The following ALK variants were observed in gnomAD, a reference collection of about 807,000 sequenced individuals.
ALK encodes the protein ALK tyrosine kinase receptor.
In ALK, 74 loss-of-function variants were observed where a neutral mutation model predicts 163.1. The observed-to-expected ratio is 0.45, with a 90% CI of 0.38 to 0.55. The LOEUF (loss-of-function observed/expected upper bound fraction) is 0.55. Ranked by LOEUF, ALK falls within the 20% of genes least tolerant of loss-of-function variation. The probability of loss-of-function intolerance (pLI) is 0.00; values close to 1 mark genes in which losing one functional copy is unlikely to be tolerated. For missense variants in ALK, 2,063 were observed against 2,105.3 expected, an observed-to-expected ratio of 0.98 and a Z score of 0.39; for synonymous variants, 960 against 843.2, an observed-to-expected ratio of 1.14 and a Z score of -2.40.
intron 5 of ALK, among the ~76,000 whole-genome samples, chr2:29,341,887 T>C (rs1667803913): frequency 6.6e-6 from 1 of 152,202 alleles, no homozygotes; most frequent in Non-Finnish European, 1.5e-5. Flanking sequence ...TATTTTTTAG[T>C]TTTTAGTTCT....
chr2:29,827,633 C>T (rs1362959248), intron 1 of ALK, among the ~76,000 whole-genome samples: 1 of 152,118 alleles, frequency 6.6e-6, no homozygotes, highest in Non-Finnish European at 1.5e-5. Context: ...GATTCCACAG[C>T]CCAAGACTAC....
intron 5 of ALK, among the ~76,000 whole-genome samples, chr2:29,365,521 G>T (rs1668483067): frequency 6.6e-6 from 1 of 152,178 alleles, no homozygotes; most frequent in Non-Finnish European, 1.5e-5. Context: ...AGATGATGGG[G>T]ACCTTGTGCA....
chr2:29,459,759 G>A (rs933636123), intron 4 of ALK, among the ~76,000 whole-genome samples: 2 of 152,080 alleles, frequency 1.3e-5, no homozygotes, highest in Admixed American at 1.3e-4. Flanking sequence ...GATAAAAACA[G>A]CTGAGGTCCC....
chr2:29,741,553 C>T (rs1277037740), intron 1 of ALK, among the ~76,000 whole-genome samples: 2 of 152,138 alleles, frequency 1.3e-5, no homozygotes, highest in African/African-American at 4.8e-5. Context: ...TTCACAAAAA[C>T]AATCTGGAAT....
At chr2:29,890,370 T>C (rs1667112482) in intron 1 of ALK, 2 of 152,228 alleles carry the variant, frequency 1.3e-5, no homozygotes, top group East Asian at 1.9e-4. Context: ...TGGATTTCTA[T>C]GCCCTGAGTT....
At chr2:29,864,448 A>G (rs1436036694) in intron 1 of ALK, among the ~76,000 whole-genome samples, 1 of 152,160 alleles carries the variant, frequency 6.6e-6, no homozygotes, top group Non-Finnish European at 1.5e-5. Context: ...CACTCACCAC[A>G]ACATACAATT....
intron 1 of ALK, among the ~76,000 whole-genome samples, chr2:29,804,441 A>C (rs964793144): frequency 2.6e-5 from 4 of 152,236 alleles, no homozygotes; most frequent in African/African-American, 9.6e-5. Context: ...ACGGACTTTC[A>C]AACCCTCACC....
chr2:29,559,768 C>CGTGTGGGTGT (rs1673970279), intron 3 of ALK, among the ~76,000 whole-genome samples: 1 of 143,030 alleles, frequency 7.0e-6, no homozygotes, highest in Non-Finnish European at 1.5e-5. Context: ...GGAGCATGTA[C>CGTGTGGGTGT]GTGTGTGTGT....
At chr2:29,374,926 A>G (rs978038125) in intron 5 of ALK, among the ~76,000 whole-genome samples, 3 of 152,180 alleles carry the variant, frequency 2.0e-5, no homozygotes, top group African/African-American at 7.2e-5. Flanking sequence ...CTCCTTGGTG[A>G]TCACTTCCAA....
chr2:29,825,090 T>G (rs556322589), intron 1 of ALK, among the ~76,000 whole-genome samples: 1 of 152,322 alleles, frequency 6.6e-6, no homozygotes, highest in Non-Finnish European at 1.5e-5. Context: ...GCACAAGTTC[T>G]CTTTCTTTGC....
chr2:29,909,568 T>C (rs1158557042), intron 1 of ALK, among the ~76,000 whole-genome samples: 1 of 152,052 alleles, frequency 6.6e-6, no homozygotes, highest in Admixed American at 6.6e-5. Context: ...TGGCTAAATA[T>C]TAAGTTGTGC....
intron 1 of ALK, among the ~76,000 whole-genome samples, chr2:29,807,237 C>T (rs559079786): frequency 1.3e-5 from 2 of 152,272 alleles, no homozygotes; most frequent in African/African-American, 4.8e-5. Flanking sequence ...ACAACAGTGA[C>T]ATAATAAGAA....
intron 4 of ALK, among the ~76,000 whole-genome samples, chr2:29,429,346 G>GTA (rs1558320147): frequency 4.0e-5 from 6 of 151,898 alleles, no homozygotes; most frequent in Non-Finnish European, 8.8e-5. Flanking sequence ...ATAACCTTGT[G>GTA]TATAGAAAAT....
intron 5 of ALK, among the ~76,000 whole-genome samples, chr2:29,332,618 A>G (rs1667478575): frequency 6.6e-6 from 1 of 152,346 alleles, no homozygotes; most frequent in South Asian, 2.1e-4. Flanking sequence ...CCCATGCTTT[A>G]TAAGTATGTA....
chr2:29,539,847 G>T (rs4378754), intron 3 of ALK, among the ~76,000 whole-genome samples: 115,610 of 152,086 alleles, frequency 0.76, 44,664 homozygotes, highest in Non-Finnish European at 0.84. Context: ...GAGCTACTTA[G>T]AGCTTACAAC....
intron 4 of ALK, among the ~76,000 whole-genome samples, chr2:29,457,233 T>C (rs1344583366): frequency 6.6e-6 from 1 of 152,042 alleles, no homozygotes; most frequent in Non-Finnish European, 1.5e-5. Context: ...GATTGAAATG[T>C]AGGAGCTGGA....
At chr2:29,831,168 A>G (rs1450237863) in intron 1 of ALK, among the ~76,000 whole-genome samples, 5 of 35,260 alleles carry the variant, frequency 1.4e-4, no homozygotes, top group Non-Finnish European at 2.1e-4. Flanking sequence ...GAAGGAGAAG[A>G]GGAAGAGGAA....
chr2:29,452,084 C>T (rs975619964), intron 4 of ALK, among the ~76,000 whole-genome samples: 10 of 152,156 alleles, frequency 6.6e-5, no homozygotes, highest in African/African-American at 1.9e-4. Context: ...ATATATTTAA[C>T]GAAGGAGGTT....
intron 3 of ALK, among the ~76,000 whole-genome samples, chr2:29,606,383 G>A (rs907474436): frequency 1.3e-5 from 2 of 152,232 alleles, no homozygotes; most frequent in African/African-American, 4.8e-5. Context: ...CAGGGCCCCA[G>A]AAAAGAAATG....
Sources: gnomAD v4.1 joint callset for allele counts (sites outside exome capture counted in the v4.1 genomes callset) on GRCh38, gnomAD v4.1.1 for gene constraint, MANE v1.5 for transcripts, NCBI Gene and HGNC (gene_info 2026-07-23, HGNC 2026-07-21) for gene names.